SLC39A10: variants seen among roughly 807,000 people sequenced by gnomAD.
SLC39A10 encodes solute carrier family 39 member 10, also known as zinc transporter ZIP10.
Under a neutral mutation model 65.1 loss-of-function variants are expected in SLC39A10, and 13 were observed. The ratio of observed to expected loss-of-function variants is 0.20; its 90% CI spans 0.13 to 0.32. SLC39A10 has a LOEUF of 0.32. Ranked by LOEUF, SLC39A10 falls within the 10% of genes least tolerant of loss-of-function variation. The pLI is 1.00. For synonymous variants in SLC39A10, 321 were observed against 342.2 expected, an observed-to-expected ratio of 0.94 and a Z score of 0.68; for missense variants, 831 against 1,018.4, an observed-to-expected ratio of 0.82 and a Z score of 2.50.
chr2:195,733,236 C>T (rs1692482534), intron 9 of SLC39A10, among the ~76,000 whole-genome samples: 1 of 152,086 alleles, frequency 6.6e-6, no homozygotes, highest in African/African-American at 2.4e-5. Context: ...TGGAGCAAAA[C>T]GTAGTGTCCC....
chr2:195,641,081 T>TATAG (rs1688804035), intron 2 of SLC39A10, among the ~76,000 whole-genome samples: 1 of 152,076 alleles, frequency 6.6e-6, no homozygotes, highest in Non-Finnish European at 1.5e-5. Flanking sequence ...AATCGGTGAG[T>TATAG]ATAGGAGACA....
At chr2:195,701,435 C>CTTTTTTTTTTTTTTTTTT (rs66525117) in intron 3 of SLC39A10, among the ~76,000 whole-genome samples, 1 of 5,492 alleles carries the variant, frequency 1.8e-4, no homozygotes, top group African/African-American at 8.6e-4. Flanking sequence ...TTCTGTGATT[C>CTTTTTTTTTTTTTTTTTT]TTTTTTTTTT....
intron 2 of SLC39A10, among the ~76,000 whole-genome samples, chr2:195,627,282 G>A (rs1056379370): frequency 4.0e-5 from 6 of 151,898 alleles, no homozygotes; most frequent in Non-Finnish European, 5.9e-5. Flanking sequence ...CCCACCCCGC[G>A]CCCAATGACT....
chr2:195,720,865 T>C (rs1692009329), intron 8 of SLC39A10, among the ~76,000 whole-genome samples: 1 of 152,224 alleles, frequency 6.6e-6, no homozygotes, highest in South Asian at 2.1e-4. Flanking sequence ...GCCAGATATA[T>C]CTGCTTAAAT....
upstream of SLC39A10, among the ~76,000 whole-genome samples, chr2:195,652,323 G>C (rs1689050819): frequency 6.6e-6 from 1 of 152,104 alleles, no homozygotes; most frequent in African/African-American, 2.4e-5. Context: ...CGAGGCGGGT[G>C]AATCACTTGA....
chr2:195,730,265 C>T, intron 9 of SLC39A10, among the ~76,000 whole-genome samples: 1 of 152,066 alleles, frequency 6.6e-6, no homozygotes, highest in Non-Finnish European at 1.5e-5. Context: ...GTCATAACAG[C>T]AGAACTTGAC....
chr2:195,725,597 C>A (rs1018281692), intron 8 of SLC39A10, among the ~76,000 whole-genome samples: 1 of 152,084 alleles, frequency 6.6e-6, no homozygotes, highest in Admixed American at 6.6e-5. Flanking sequence ...CCCAGTGACC[C>A]CACTTAATAG....
intron 2 of SLC39A10, among the ~76,000 whole-genome samples, chr2:195,649,891 CTACAGTTTTTCTTCTTTCCCTTTG>C (rs1285498186): frequency 6.6e-6 from 1 of 152,170 alleles, no homozygotes; most frequent in African/African-American, 2.4e-5. Context: ...AGCAATTTGT[CTACAGTTTTTCTTCTTTCCCTTTG>C]TACCACACTA....
chr2:195,691,065 A>G (rs1161101137), intron 3 of SLC39A10, among the ~76,000 whole-genome samples: 1 of 151,992 alleles, frequency 6.6e-6, no homozygotes, highest in East Asian at 1.9e-4. Flanking sequence ...TTGTATCCTC[A>G]TAGCTTAGCT....
At position 195,716,850 on chromosome 2, in the gene SLC39A10, G is replaced by A. The variant is rs1691832195; in HGVS notation, c.1910G>A (p.Arg637Lys). The A allele has an allele frequency of 6.2e-7, 1 of 1,614,024 alleles. No homozygotes were observed. Among genetic ancestry groups the A allele is most frequent in the Non-Finnish European group, 8.5e-7 (1 of 1,180,024 alleles). Residue 637 changes from arginine to lysine, a missense_variant, in exon 7 of 10, where the codon AGG (arginine) becomes AAG (lysine). By Grantham distance (26) the Arg-to-Lys change is conservative (BLOSUM62 2). Coordinates refer to ENST00000359634, the MANE Select transcript of SLC39A10 (RefSeq NM_020342.3). ...NHHGENKTVL[R>K]KHNHQWHHKH... ...CACGGCGAGAACAAAACTGTGCTGA[G>A]GAAGCATAATCACCAGTGGCACCAC...
intron 2 of SLC39A10, among the ~76,000 whole-genome samples, chr2:195,640,558 T>G (rs59598877): frequency 0.077 from 11,789 of 152,248 alleles, 587 homozygotes; most frequent in Admixed American, 0.14. Context: ...GAATATTTGA[T>G]GTACTTAAAG....
intron 2 of SLC39A10, among the ~76,000 whole-genome samples, chr2:195,618,453 G>A (rs557434299): frequency 9.2e-5 from 14 of 152,126 alleles, no homozygotes; most frequent in Admixed American, 5.9e-4. Flanking sequence ...GTAAGTCATA[G>A]AGTACCAAAG....
chr2:195,653,254 A>G (rs1689078791), upstream of SLC39A10, among the ~76,000 whole-genome samples: 1 of 151,816 alleles, frequency 6.6e-6, no homozygotes, highest in African/African-American at 2.4e-5. Flanking sequence ...CATCAGTCTT[A>G]AGGTCTGTTT....
chr2:195,643,040 G>C (rs1222818640), intron 2 of SLC39A10, among the ~76,000 whole-genome samples: 4 of 152,134 alleles, frequency 2.6e-5, no homozygotes, highest in Non-Finnish European at 5.9e-5. Context: ...ATCAGCATGG[G>C]AAAAAAGCAC....
At chr2:195,682,126 C>T (rs1690348724) in intron 2 of SLC39A10, among the ~76,000 whole-genome samples, 1 of 152,144 alleles carries the variant, frequency 6.6e-6, no homozygotes, top group Non-Finnish European at 1.5e-5. Flanking sequence ...TTTAACTATT[C>T]ACCTTAAGCA....
chr2:195,615,139 T>C lies in SLC39A10; in HGVS notation c.-12+8906T>C, dbSNP rs1192641808. On this transcript the variant is annotated intron_variant, in intron 2 of 2. Transcript: ENST00000458054. ...TAGATACTGGGTAGTGAATGTTTGTTCCCTCAGAGGAGGATAAAGTTCTCT... is the reference window on the plus strand; with the variant it reads ...TAGATACTGGGTAGTGAATGTTTGTCCCCTCAGAGGAGGATAAAGTTCTCT... Among the ~76,000 whole-genome samples the C allele has an allele frequency of 2.0e-5, 3 of 152,134 alleles. No individual in the cohort carries two copies. The East Asian group carries it at 5.8e-4, about 29-fold the overall frequency.
At chr2:195,678,995 A>G (rs1473218605) in intron 1 of SLC39A10, among the ~76,000 whole-genome samples, 1 of 152,212 alleles carries the variant, frequency 6.6e-6, no homozygotes, top group Non-Finnish European at 1.5e-5. Context: ...AGAACTTTCT[A>G]TAATGATGGA....
intron 1 of SLC39A10, among the ~76,000 whole-genome samples, chr2:195,665,989 A>G (rs1255830739): frequency 6.6e-6 from 1 of 152,232 alleles, no homozygotes; most frequent in African/African-American, 2.4e-5. Context: ...CCATTGTAAT[A>G]AATGACTACT....
chr2:195,674,666 A>C (rs764056153), intron 1 of SLC39A10: 15 of 982,566 alleles, frequency 1.5e-5, no homozygotes, highest in Non-Finnish European at 1.8e-5. Context: ...AGTCATATGC[A>C]TTGCTTAATG....
Sources: gnomAD v4.1 joint callset for allele counts (sites outside exome capture counted in the v4.1 genomes callset) on GRCh38, gnomAD v4.1.1 for gene constraint, MANE v1.5 for transcripts, NCBI Gene and HGNC (gene_info 2026-07-23, HGNC 2026-07-21) for gene names.